ANKS1B: variants seen among roughly 807,000 people sequenced by gnomAD.
The protein encoded by ANKS1B is ankyrin repeat and sterile alpha motif domain-containing protein 1B.
ANKS1B carries 36 observed loss-of-function variants against 148.3 expected under a neutral mutation model. That is an observed-to-expected ratio of 0.24 (90% CI 0.19 to 0.32). ANKS1B has a LOEUF of 0.32. Among genes scored for constraint, ANKS1B ranks in the 10% least tolerant of loss-of-function variants. ANKS1B has a pLI of 1.00. For missense variants in ANKS1B, 1,157 were observed against 1,542.6 expected (o/e 0.75, Z 4.19); for synonymous variants, 542 against 560.8 (o/e 0.97, Z 0.47).
chr12:98,772,303 G>A (rs2098596433), intron 25 of ANKS1B, among the ~76,000 whole-genome samples: 1 of 152,172 alleles, frequency 6.6e-6, no homozygotes, highest in African/African-American at 2.4e-5. Context: ...AATCTGACTG[G>A]TGTCCTTACA....
At chr12:99,154,916 G>T in intron 14 of ANKS1B, 1 of 1,535,352 alleles carries the variant, frequency 6.5e-7, no homozygotes, top group Non-Finnish European at 8.7e-7. Context: ...AGATAAGGCA[G>T]ATTTTTTTTG....
intron 17 of ANKS1B, chr12:99,048,750 T>C (rs1262743502): frequency 6.6e-6 from 1 of 152,422 alleles, no homozygotes; most frequent in Non-Finnish European, 1.5e-5. Context: ...AGACTGTCCA[T>C]CCTAAATGAG....
At chr12:98,928,425 T>C (rs375925887) in intron 17 of ANKS1B, among the ~76,000 whole-genome samples, 1 of 151,982 alleles carries the variant, frequency 6.6e-6, no homozygotes, top group South Asian at 2.1e-4. Context: ...ACTTCTGAAC[T>C]GATTCTATGA....
intron 14 of ANKS1B, among the ~76,000 whole-genome samples, chr12:99,236,838 C>G (rs2088060599): frequency 6.6e-6 from 1 of 152,200 alleles, no homozygotes; most frequent in Admixed American, 6.5e-5. Context: ...CCTTAGCAAA[C>G]TAACACAGGA....
intron 4 of ANKS1B, among the ~76,000 whole-genome samples, chr12:99,805,289 G>C (rs1368974346): frequency 7.3e-5 from 2 of 27,250 alleles, no homozygotes; most frequent in Non-Finnish European, 7.8e-5. Flanking sequence ...AAAAAAAAAA[G>C]ACTAACCCTG....
chr12:99,334,151 T>TAGACAGAC lies in ANKS1B; in HGVS notation c.1756+65472_1756+65479dup, dbSNP rs750913591. Among the ~76,000 whole-genome samples the TAGACAGAC allele has an allele frequency of 3.6e-3, 540 of 150,260 alleles. 7 individuals are homozygous for TAGACAGAC. The highest frequency in any genetic ancestry group is 0.012 in the African/African-American group (494 of 40,598). On this transcript the variant is annotated intron_variant, in intron 12 of 26. Coordinates refer to ENST00000683438, the MANE Select transcript of ANKS1B (RefSeq NM_001352186.2). ...CTAAATAGATAGATAGATAGATAGA[T>TAGACAGAC]AGACAGACAGACAGACAGACAGACA...
intron 16 of ANKS1B, among the ~76,000 whole-genome samples, chr12:99,083,492 T>A (rs1169360612): frequency 6.6e-6 from 1 of 152,140 alleles, no homozygotes; most frequent in East Asian, 1.9e-4. Flanking sequence ...AATTTCAAAT[T>A]CCTCAGCCTG....
intron 12 of ANKS1B, among the ~76,000 whole-genome samples, chr12:99,252,259 G>C (rs576008123): frequency 6.6e-6 from 1 of 152,294 alleles, no homozygotes; most frequent in African/African-American, 2.4e-5. Flanking sequence ...ATAATAGAGT[G>C]GTAGGGGATT....
intron 20 of ANKS1B, among the ~76,000 whole-genome samples, chr12:98,804,203 G>T (rs1471848449): frequency 6.6e-6 from 1 of 152,044 alleles, no homozygotes; most frequent in Non-Finnish European, 1.5e-5. Context: ...TTTTCTTTGT[G>T]GCCTTCAAAT....
chr12:99,867,655 C>T (rs1193950937), intron 1 of ANKS1B, among the ~76,000 whole-genome samples: 5 of 152,240 alleles, frequency 3.3e-5, no homozygotes, highest in South Asian at 2.1e-4. Context: ...TCTCTCCCAC[C>T]GGGTACCTCA....
At chr12:99,344,425 T>C (rs56353142) in intron 12 of ANKS1B, among the ~76,000 whole-genome samples, 4,468 of 152,104 alleles carry the variant, frequency 0.029, 224 homozygotes, top group African/African-American at 0.096. Context: ...CTTAGGTTTT[T>C]GGAATATGTA....
At chr12:99,798,533 C>A (rs2066545266) in intron 4 of ANKS1B, among the ~76,000 whole-genome samples, 1 of 151,704 alleles carries the variant, frequency 6.6e-6, no homozygotes, top group African/African-American at 2.4e-5. Context: ...ATTATCTAGA[C>A]CATATCTAGA....
At chr12:99,112,508 T>C (rs1273041659) in intron 15 of ANKS1B, among the ~76,000 whole-genome samples, 1 of 151,962 alleles carries the variant, frequency 6.6e-6, no homozygotes, top group Admixed American at 6.6e-5. Flanking sequence ...TTAGTGACAT[T>C]TATTTTTCCA....
At chr12:98,977,654 G>A (rs963993577) in intron 17 of ANKS1B, among the ~76,000 whole-genome samples, 4 of 152,082 alleles carry the variant, frequency 2.6e-5, no homozygotes, top group African/African-American at 9.7e-5. Context: ...GGTTGTCACA[G>A]AACAAAAAAT....
chr12:98,948,400 G>A (rs1485229141), intron 17 of ANKS1B, among the ~76,000 whole-genome samples: 2 of 152,138 alleles, frequency 1.3e-5, no homozygotes, highest in Non-Finnish European at 2.9e-5. Flanking sequence ...GACCTTCGGA[G>A]GTCATTCACA....
intron 17 of ANKS1B, among the ~76,000 whole-genome samples, chr12:98,961,416 A>T (rs1454251646): frequency 2.0e-5 from 3 of 152,184 alleles, no homozygotes; most frequent in Admixed American, 2.0e-4. Flanking sequence ...AAGGAGAAAT[A>T]ATAACTTTCC....
chr12:99,910,440 G>T (rs1275033419), intron 1 of ANKS1B, among the ~76,000 whole-genome samples: 3 of 147,428 alleles, frequency 2.0e-5, no homozygotes, highest in Non-Finnish European at 3.0e-5. Context: ...CTAAGTGAAA[G>T]AAGACAGTCA....
intron 16 of ANKS1B, among the ~76,000 whole-genome samples, chr12:99,082,612 A>C (rs986206395): frequency 1.1e-4 from 16 of 152,174 alleles, no homozygotes; most frequent in Admixed American, 1.0e-3. Flanking sequence ...TGAATAGTCC[A>C]GGATAGAGGA....
chr12:99,743,792 T>G (rs2060335345), intron 8 of ANKS1B, among the ~76,000 whole-genome samples: 1 of 152,122 alleles, frequency 6.6e-6, no homozygotes, highest in Non-Finnish European at 1.5e-5. Flanking sequence ...CCTTAGAAAA[T>G]GGAGTAGTGT....
Sources: allele counts gnomAD v4.1 joint callset (sites outside exome capture counted in the v4.1 genomes callset), GRCh38; gene constraint gnomAD v4.1.1; transcripts MANE v1.5; gene names NCBI Gene and HGNC (gene_info 2026-07-23, HGNC 2026-07-21).